Variants in TRIT1 observed in about 807,000 individuals in gnomAD.
The protein encoded by TRIT1 is tRNA isopentenyltransferase 1, also known as tRNA dimethylallyltransferase.
TRIT1 carries 43 observed loss-of-function variants against 51.2 expected under a neutral mutation model. The ratio of observed to expected loss-of-function variants is 0.84; its 90% CI spans 0.66 to 1.08. The LOEUF is 1.08. TRIT1 is among the 50% of genes least tolerant of loss of function. The pLI is 0.00. For missense variants in TRIT1, 528 were observed against 578.4 expected (o/e 0.91, Z 0.89); for synonymous variants, 184 against 203.9 (o/e 0.90, Z 0.83).
At chr1:39,859,591 A>AAAAG (rs534826088) in intron 1 of TRIT1, among the ~76,000 whole-genome samples, 4 of 152,032 alleles carry the variant, frequency 2.6e-5, no homozygotes, top group South Asian at 2.1e-4. Flanking sequence ...TCAAAAAAAA[A>AAAAG]AAAGAAAGAA....
At chr1:39,868,440 C>G (rs1643669311) in intron 1 of TRIT1, among the ~76,000 whole-genome samples, 2 of 151,700 alleles carry the variant, frequency 1.3e-5, no homozygotes, top group East Asian at 3.9e-4. Flanking sequence ...GGCAGGACTT[C>G]GAGACCAGCC....
chr1:39,881,107 A>C (rs1644247642), intron 1 of TRIT1, among the ~76,000 whole-genome samples: 1 of 151,332 alleles, frequency 6.6e-6, no homozygotes. Flanking sequence ...CCTCACCCTA[A>C]TCCCAGCTAC....
chr1:39,844,082 GC>G lies in TRIT1; in HGVS notation c.1234+18del. On this transcript the variant is annotated intron_variant, in intron 10 of 10. Transcript: ENST00000316891. The stretch of plus-strand genomic sequence containing the variant: ...AACCCACCCTTATAGATTTCTTCAT[GC>G]CCCTCCCCATACTCTACCTGCCCAT... The G allele has an allele frequency of 6.4e-7, 1 of 1,572,046 alleles. No individual in the cohort carries two copies.
intron 2 of TRIT1, among the ~76,000 whole-genome samples, chr1:39,854,741 T>C (rs1392518926): frequency 6.6e-6 from 1 of 152,242 alleles, no homozygotes; most frequent in Non-Finnish European, 1.5e-5. Flanking sequence ...CTCAATTTAC[T>C]ATAGCCACTA....
chr1:39,842,917 G>A (rs1449028890), intron 10 of TRIT1, among the ~76,000 whole-genome samples: 3 of 152,142 alleles, frequency 2.0e-5, no homozygotes, highest in African/African-American at 7.2e-5. Context: ...AGCAGGAGAT[G>A]GGAGTAAGGA....
At chr1:39,842,901 C>T (rs1464279581) in intron 10 of TRIT1, among the ~76,000 whole-genome samples, 1 of 152,094 alleles carries the variant, frequency 6.6e-6, no homozygotes, top group African/African-American at 2.4e-5. Flanking sequence ...GCTGGCTCTC[C>T]ATGGCAGCAG....
At chr1:39,844,474 A>G in intron 9 of TRIT1, 57 bp downstream of exon 9, 1 of 1,334,758 alleles carries the variant, frequency 7.5e-7, no homozygotes, top group Non-Finnish European at 1.1e-6. Flanking sequence ...CAAAGGTGTC[A>G]GCTAATGAAA....
At chr1:39,877,852 C>A (rs919540764) in intron 1 of TRIT1, among the ~76,000 whole-genome samples, 1 of 152,184 alleles carries the variant, frequency 6.6e-6, no homozygotes, top group Non-Finnish European at 1.5e-5. Context: ...TTCTGTAGCT[C>A]CAGTTTTTCC....
intron 1 of TRIT1, among the ~76,000 whole-genome samples, chr1:39,880,106 C>T (rs949356270): frequency 6.6e-6 from 1 of 151,044 alleles, no homozygotes; most frequent in Non-Finnish European, 1.5e-5. Flanking sequence ...ATCCTGGAGG[C>T]GGAGGTTGCA....
At chr1:39,847,767 A>G in intron 6 of TRIT1, 107 bp from the exon 7 acceptor site, 1 of 1,579,268 alleles carries the variant, frequency 6.3e-7, no homozygotes, top group Non-Finnish European at 8.6e-7. Context: ...AAGGAAATTG[A>G]GATCCTGAGC....
At chr1:39,849,468 A>T (rs1350101058) in intron 5 of TRIT1, among the ~76,000 whole-genome samples, 2 of 151,986 alleles carry the variant, frequency 1.3e-5, no homozygotes, top group Non-Finnish European at 2.9e-5. Flanking sequence ...AATATTCGTC[A>T]TCCCTTCTCT....
intron 1 of TRIT1, among the ~76,000 whole-genome samples, chr1:39,861,550 T>A (rs192004354): frequency 1.3e-5 from 2 of 152,254 alleles, no homozygotes; most frequent in Admixed American, 1.3e-4. Context: ...AAAGATGAAG[T>A]AATTCAAGTA....
chr1:39,866,941 T>C (rs1389506245), intron 1 of TRIT1, among the ~76,000 whole-genome samples: 1 of 152,148 alleles, frequency 6.6e-6, no homozygotes, highest in Non-Finnish European at 1.5e-5. Context: ...CTGTGAGCCA[T>C]GATTGCACCA....
chr1:39,868,023 C>A (rs1643648154), intron 1 of TRIT1, among the ~76,000 whole-genome samples: 1 of 151,548 alleles, frequency 6.6e-6, no homozygotes, highest in Non-Finnish European at 1.5e-5. Context: ...CGGCTCACTG[C>A]AAGCTCCGCC....
chr1:39,865,524 A>G (rs544513977), intron 1 of TRIT1, among the ~76,000 whole-genome samples: 1 of 152,210 alleles, frequency 6.6e-6, no homozygotes, highest in East Asian at 1.9e-4. Flanking sequence ...GGCACATAGC[A>G]TATAGAAAAG....
intron 8 of TRIT1, 67 bp from the exon 9 acceptor site, chr1:39,844,707 CTG>C (rs757337878): frequency 1.6e-5 from 18 of 1,116,624 alleles, no homozygotes; most frequent in Non-Finnish European, 2.5e-5. Context: ...AGCCAGGACT[CTG>C]AAATCCTCCA....
At chr1:39,851,966 G>T (rs202150660) in intron 4 of TRIT1, among the ~76,000 whole-genome samples, 2 of 145,560 alleles carry the variant, frequency 1.4e-5, no homozygotes, top group Admixed American at 1.4e-4. Context: ...AAAAAAAAAA[G>T]TAATAATAAT....
chr1:39,877,380 C>T (rs900201707), intron 1 of TRIT1, among the ~76,000 whole-genome samples: 10 of 148,584 alleles, frequency 6.7e-5, no homozygotes, highest in South Asian at 2.1e-4. Flanking sequence ...TATTGGATGA[C>T]GAGATGACAC....
chr1:39,850,234 T>A lies in TRIT1; in HGVS notation c.588A>T (p.Gly196=), dbSNP rs1360750220. The change falls in exon 5 of 11, where the codon GGA becomes GGT. Residue 196 remains glycine, a synonymous_variant. Coordinates refer to ENST00000316891, the MANE Select transcript of TRIT1 (RefSeq NM_017646.6). Reference sequence around the variant, plus strand: ...GATGGAGAAATTCACTATGAGAGATTCCTGTTTCTTCAAAAACTTGCAAGC... The same window carrying A: ...GATGGAGAAATTCACTATGAGAGATACCTGTTTCTTCAAAAACTTGCAAGC... ...ARSLQVFEET[G]ISHSEFLHRQ... The A allele has an allele frequency of 3.7e-6, 6 of 1,614,184 alleles. No homozygotes were observed. In the East Asian group the frequency reaches 1.3e-4, roughly 36 times the overall value.
Sources: gnomAD v4.1 joint callset for allele counts (sites outside exome capture counted in the v4.1 genomes callset) on GRCh38, gnomAD v4.1.1 for gene constraint, MANE v1.5 for transcripts, NCBI Gene and HGNC (gene_info 2026-07-23, HGNC 2026-07-21) for gene names.